Variants in RCOR1 observed in about 807,000 individuals in gnomAD.
The protein encoded by RCOR1 is REST corepressor.
RCOR1 carries 12 observed loss-of-function variants against 64.0 expected under a neutral mutation model. The observed-to-expected ratio is 0.19, with a 90% CI of 0.12 to 0.30. The LOEUF is 0.30. Among genes scored for constraint, RCOR1 ranks in the 10% least tolerant of loss-of-function variants. The pLI, the probability that RCOR1 is intolerant of heterozygous loss-of-function variation, is 1.00. For missense variants in RCOR1, 502 were observed against 621.2 expected, an observed-to-expected ratio of 0.81 and a Z score of 2.04; for synonymous variants, 279 against 227.2, an observed-to-expected ratio of 1.23 and a Z score of -2.05.
chr14:102,646,334 A>G (rs926508136), intron 2 of RCOR1, among the ~76,000 whole-genome samples: 8 of 152,350 alleles, frequency 5.3e-5, no homozygotes, highest in Non-Finnish European at 8.8e-5. Context: ...CATGAAGAAA[A>G]AGCCATAACA....
At chr14:102,613,220 GCCTCC>G (rs1567407699) in intron 2 of RCOR1, among the ~76,000 whole-genome samples, 1 of 151,948 alleles carries the variant, frequency 6.6e-6, no homozygotes, top group Non-Finnish European at 1.5e-5. Context: ...TTGTGCCTCA[GCCTCC>G]CGAGTAGCTG....
chr14:102,718,764 A>T lies in RCOR1; in HGVS notation c.1054-2243A>T, dbSNP rs560230373. Among the ~76,000 whole-genome samples, 100 of 152,092 alleles carry T rather than the reference A, an allele frequency of 6.6e-4. 1 individual carries two copies. Among genetic ancestry groups the T allele is most frequent in the Middle Eastern group, 6.8e-3 (2 of 294 alleles). Reference sequence around the variant, plus strand: ...TCTGTTTTTTTCCTGCTTAATAAACACTAGATGTTTGGCGGGGGGAAGGGG... The same window carrying T: ...TCTGTTTTTTTCCTGCTTAATAAACTCTAGATGTTTGGCGGGGGGAAGGGG... On this transcript the variant is annotated intron_variant, in intron 8 of 11. Transcript: ENST00000262241.
In RCOR1 at chr14:102,597,628, CTTTTTTTT is replaced by C. The variant is rs57656879; in HGVS notation, c.361+4322_361+4329del. On this transcript the variant is annotated intron_variant, in intron 2 of 11. Coordinates refer to ENST00000262241, the MANE Select transcript of RCOR1 (RefSeq NM_015156.4). ...TCAGGCGTGAGCCACTGCGCCCGACCTTTTTTTTTTTTTTTTTTTTTTTTTTGAAATGG... is the reference window on the plus strand; with the variant it reads ...TCAGGCGTGAGCCACTGCGCCCGACCTTTTTTTTTTTTTTTTTTGAAATGG... 7.1e-4 allele frequency among the ~76,000 whole-genome samples: 32 copies of C among 44,954 alleles called. 1 individual carries two copies. The highest frequency in any genetic ancestry group is 1.4e-3 in the African/African-American group (15 of 10,826). 29.5% of individuals were successfully genotyped at this position (44,954 alleles called of 152,430 possible). A position where few individuals can be genotyped will look rare whatever the true frequency, so the allele number is the denominator to read the frequency against.
intron 2 of RCOR1, chr14:102,657,842 A>C: frequency 8.0e-6 from 7 of 871,508 alleles, no homozygotes; most frequent in Non-Finnish European, 9.5e-6. Context: ...CGTCTCAAAA[A>C]AAAAAAAAAA....
intron 2 of RCOR1, among the ~76,000 whole-genome samples, chr14:102,605,531 G>A (rs981366625): frequency 8.5e-5 from 13 of 152,150 alleles, no homozygotes; most frequent in African/African-American, 2.9e-4. Context: ...ACAGCGTGTA[G>A]CATTACTTAG....
intron 2 of RCOR1, chr14:102,658,696 AAGTTCCACATTTTATTT>A (rs1894774101): frequency 1.2e-6 from 1 of 861,126 alleles, no homozygotes; most frequent in Admixed American, 6.2e-5. Flanking sequence ...ATACATTACT[AAGTTCCACATTTTATTT>A]AGATTCCAAT....
At chr14:102,625,391 A>G (rs1199531688) in intron 2 of RCOR1, among the ~76,000 whole-genome samples, 2 of 151,226 alleles carry the variant, frequency 1.3e-5, no homozygotes, top group African/African-American at 2.4e-5. Context: ...ATGCGCTACT[A>G]TGCCCGGCTA....
At chr14:102,680,235 A>C (rs1185833395) in intron 2 of RCOR1, among the ~76,000 whole-genome samples, 1 of 152,148 alleles carries the variant, frequency 6.6e-6, no homozygotes, top group Non-Finnish European at 1.5e-5. Flanking sequence ...ATTATTTCCT[A>C]CAACCTTACT....
At chr14:102,623,909 A>G (rs1189984756) in intron 2 of RCOR1, among the ~76,000 whole-genome samples, 1 of 150,898 alleles carries the variant, frequency 6.6e-6, no homozygotes, top group Non-Finnish European at 1.5e-5. Context: ...AATACAAAAC[A>G]TTAGCTGGGC....
chr14:102,662,294 T>C (rs909490441), intron 2 of RCOR1: 3 of 548,336 alleles, frequency 5.5e-6, no homozygotes, highest in African/African-American at 3.8e-5. Flanking sequence ...CAGGAGCTAG[T>C]TGAACGTATG....
chr14:102,717,864 C>G lies in RCOR1; in HGVS notation c.1054-3143C>G, dbSNP rs566540346. Among the ~76,000 whole-genome samples, 5 of 152,200 alleles carry G rather than the reference C, an allele frequency of 3.3e-5. No individual in the cohort carries two copies. The South Asian group carries it at 1.0e-3, about 32-fold the overall frequency. ...TGAAGAGGGAGGACTCAGCCTCACT[C>G]AGAGAGGAGGTGGGTGATTTCCTTT... On this transcript the variant is annotated intron_variant, in intron 8 of 11. Coordinates refer to ENST00000262241, the MANE Select transcript of RCOR1 (RefSeq NM_015156.4).
At chr14:102,607,396 T>G (rs184434720) in intron 2 of RCOR1, among the ~76,000 whole-genome samples, 1 of 152,302 alleles carries the variant, frequency 6.6e-6, no homozygotes, top group East Asian at 1.9e-4. Context: ...GATGCACATC[T>G]TGCATAGATG....
intron 2 of RCOR1, among the ~76,000 whole-genome samples, chr14:102,660,987 C>T (rs1184732905): frequency 6.6e-6 from 1 of 152,106 alleles, no homozygotes; most frequent in Non-Finnish European, 1.5e-5. Context: ...GGATAAAGCA[C>T]TGTAAAGAGA....
At chr14:102,598,572 CG>C (rs1567402500) in intron 2 of RCOR1, among the ~76,000 whole-genome samples, 1 of 87,376 alleles carries the variant, frequency 1.1e-5, no homozygotes, top group Non-Finnish European at 2.9e-5. Flanking sequence ...CTCAGCCTCC[CG>C]AGTAGCTGGG....
At chr14:102,675,256 C>T (rs1431041961) in intron 2 of RCOR1, among the ~76,000 whole-genome samples, 1 of 152,032 alleles carries the variant, frequency 6.6e-6, no homozygotes, top group Non-Finnish European at 1.5e-5. Context: ...ATACTCCTCC[C>T]TTATCCATGA....
At chr14:102,707,158 A>G (rs890660326) in intron 4 of RCOR1, among the ~76,000 whole-genome samples, 193 bp from the exon 5 acceptor site, 1 of 152,164 alleles carries the variant, frequency 6.6e-6, no homozygotes, top group Non-Finnish European at 1.5e-5. Context: ...CATCACCTGA[A>G]AAAAAAGTAT....
intron 2 of RCOR1, among the ~76,000 whole-genome samples, chr14:102,625,533 CT>C (rs1349751482): frequency 4.4e-3 from 612 of 138,310 alleles, no homozygotes; most frequent in Middle Eastern, 7.6e-3. Context: ...CCGCGCCTGG[CT>C]TTTTTTTTTT....
intron 3 of RCOR1, among the ~76,000 whole-genome samples, chr14:102,684,703 A>G (rs976148353): frequency 6.7e-6 from 1 of 150,076 alleles, no homozygotes; most frequent in Non-Finnish European, 1.5e-5. Context: ...ATCGTTAAAC[A>G]TTTTGGGGTA....
intron 2 of RCOR1, among the ~76,000 whole-genome samples, chr14:102,642,709 G>A (rs967396561): frequency 6.6e-6 from 1 of 152,080 alleles, no homozygotes; most frequent in East Asian, 1.9e-4. Flanking sequence ...GGTGGCACAT[G>A]CCTATGGTCC....
Sources: allele counts gnomAD v4.1 joint callset (sites outside exome capture counted in the v4.1 genomes callset), GRCh38; gene constraint gnomAD v4.1.1; transcripts MANE v1.5; gene names NCBI Gene and HGNC (gene_info 2026-07-23, HGNC 2026-07-21).